The following SLC13A3 variants were observed in gnomAD, a reference collection of about 807,000 sequenced individuals.
The protein encoded by SLC13A3 is solute carrier family 13 member 3.
SLC13A3 carries 40 observed loss-of-function variants against 59.0 expected under a neutral mutation model. The observed-to-expected ratio is 0.68, with a 90% CI of 0.53 to 0.88. The LOEUF is 0.88. SLC13A3 is among the 40% of genes least tolerant of loss of function. SLC13A3 has a pLI of 0.00. For synonymous variants in SLC13A3, 317 were observed against 330.3 expected (o/e 0.96, Z 0.44); for missense variants, 699 against 783.2 (o/e 0.89, Z 1.28).
chr20:46,587,070 C>T (rs776613383), intron 8 of SLC13A3, among the ~76,000 whole-genome samples: 3 of 152,170 alleles, frequency 2.0e-5, no homozygotes, highest in African/African-American at 7.2e-5. Context: ...AATCAAATGG[C>T]GGGCCAGATT....
intron 1 of SLC13A3, among the ~76,000 whole-genome samples, chr20:46,640,664 T>A (rs751210377): frequency 9.9e-5 from 15 of 152,158 alleles, no homozygotes; most frequent in Non-Finnish European, 1.6e-4. Context: ...GGGAAATCAC[T>A]TGCCGGGAAG....
chr20:46,603,475 A>T (rs1225438571), intron 3 of SLC13A3, among the ~76,000 whole-genome samples: 1 of 151,956 alleles, frequency 6.6e-6, no homozygotes, highest in Non-Finnish European at 1.5e-5. Flanking sequence ...ACCAGGCTCA[A>T]GTGATCCTCC....
In SLC13A3 at chr20:46,596,334, T is replaced by C; in HGVS notation, c.617A>G (p.His206Arg). 6.2e-7 allele frequency: 1 copy of C among 1,613,930 alleles called. No homozygotes were observed. The highest frequency in any genetic ancestry group is 1.3e-5 in the African/African-American group (1 of 75,020). The change falls in exon 5 of 13, where the codon CAC (histidine) becomes CGC (arginine). Residue 206 changes from histidine (H) to arginine (R), a missense_variant. His to Arg is a conservative substitution (Grantham distance 29). Transcript: ENST00000279027. ...QFLASTEAKD[H>R]PGETEVPLDL... is the part of the protein sequence containing the mutation. ...CAGTGGAACCTCTGTCTCCCCAGGG[T>C]GGTCTTTGCTTTAAACAAATCCAAA...
At position 46,560,186 on chromosome 20, in the gene SLC13A3, G is replaced by A; in HGVS notation, c.1645C>T (p.Leu549Phe). ...LLVKDMVRTG[L>F]LMNLMGVLLL... ...AGGACACCCATCAGGTTCATCAGGA[G>A]GCCTGTCCGCACCTGAAATAGAGCC... Residue 549 changes from leucine to phenylalanine, a missense_variant, in exon 13 of 13, where the codon CTC (leucine) becomes TTC (phenylalanine). Coordinates refer to ENST00000279027, the MANE Select transcript of SLC13A3 (RefSeq NM_022829.6). The A allele has an allele frequency of 6.2e-7, 1 of 1,614,076 alleles. No individual in the cohort carries two copies. Among genetic ancestry groups the A allele is most frequent in the Non-Finnish European group, 8.5e-7 (1 of 1,180,002 alleles).
intron 1 of SLC13A3, among the ~76,000 whole-genome samples, chr20:46,626,776 AGAGCACT>A (rs1249384881): frequency 7.3e-6 from 1 of 136,312 alleles, no homozygotes; most frequent in Admixed American, 7.7e-5. Flanking sequence ...GGCAGGGACT[AGAGCACT>A]GAGGCCTGTA....
Position 46,613,447 on chromosome 20 carries a change from T to G in SLC13A3, c.377+13A>C, listed in dbSNP as rs2062522213. The G allele has an allele frequency of 4.5e-6, 7 of 1,568,106 alleles. No homozygotes were observed. The East Asian group carries it at 1.6e-4, about 35-fold the overall frequency. ...CTCTCCGCTGTAGGGCTGGAACCAT[T>G]ACCTGTTCTTACCTGGCCGGCTGGA... On this transcript the variant is annotated intron_variant, in intron 2 of 12. Transcript: ENST00000279027.
At chr20:46,563,730 G>A (rs1423697597) in intron 11 of SLC13A3, among the ~76,000 whole-genome samples, 179 bp from the exon 12 acceptor site, 1 of 152,158 alleles carries the variant, frequency 6.6e-6, no homozygotes, top group Admixed American at 6.5e-5. Flanking sequence ...CAAGTGAGAA[G>A]AGAGAGTTAG....
intron 1 of SLC13A3, among the ~76,000 whole-genome samples, chr20:46,615,310 A>T (rs1006529831): frequency 6.6e-6 from 1 of 152,168 alleles, no homozygotes; most frequent in African/African-American, 2.4e-5. Flanking sequence ...CCATGTCCAT[A>T]GGACATCAAA....
chr20:46,629,889 C>T (rs1462961058), intron 1 of SLC13A3, among the ~76,000 whole-genome samples: 5 of 152,204 alleles, frequency 3.3e-5, no homozygotes, highest in Non-Finnish European at 7.3e-5. Flanking sequence ...AGTATTTATT[C>T]TGTTTTTCTC....
intron 1 of SLC13A3, among the ~76,000 whole-genome samples, chr20:46,665,247 T>C (rs772703548): frequency 4.0e-5 from 6 of 149,562 alleles, no homozygotes; most frequent in Non-Finnish European, 5.9e-5. Flanking sequence ...GCCTGGGCAA[T>C]AGAATGAGAC....
intron 1 of SLC13A3, among the ~76,000 whole-genome samples, chr20:46,666,662 C>T (rs1001251293): frequency 7.2e-5 from 11 of 152,156 alleles, no homozygotes; most frequent in African/African-American, 2.7e-4. Context: ...CACCACCATG[C>T]CTGGCTAATT....
chr20:46,619,639 C>A (rs1276544277), intron 1 of SLC13A3, among the ~76,000 whole-genome samples: 2 of 152,244 alleles, frequency 1.3e-5, no homozygotes, highest in East Asian at 3.8e-4. Context: ...CCCACTTTCT[C>A]TGTTATCTTG....
chr20:46,599,055 C>T (rs1052074505), intron 4 of SLC13A3, among the ~76,000 whole-genome samples: 1 of 152,188 alleles, frequency 6.6e-6, no homozygotes, highest in Non-Finnish European at 1.5e-5. Context: ...ATTACCAGCT[C>T]GCCTCCCCCA....
chr20:46,634,567 G>A (rs922536491), intron 1 of SLC13A3, among the ~76,000 whole-genome samples: 1 of 151,850 alleles, frequency 6.6e-6, no homozygotes, highest in African/African-American at 2.4e-5. Flanking sequence ...TTAGACCCCT[G>A]GACTCATTAG....
At chr20:46,660,060 T>C (rs1210502944) in intron 1 of SLC13A3, among the ~76,000 whole-genome samples, 1 of 152,212 alleles carries the variant, frequency 6.6e-6, no homozygotes, top group East Asian at 1.9e-4. Context: ...CACCACTGTT[T>C]GAATTACACA....
chr20:46,677,484 G>A (rs1169284157), intron 1 of SLC13A3, among the ~76,000 whole-genome samples: 1 of 152,168 alleles, frequency 6.6e-6, no homozygotes, highest in Non-Finnish European at 1.5e-5. Context: ...GAGGGGAGCT[G>A]GTGAAAGACA....
intron 3 of SLC13A3, among the ~76,000 whole-genome samples, chr20:46,607,674 T>C (rs550834277): frequency 3.3e-5 from 5 of 152,340 alleles, no homozygotes; most frequent in African/African-American, 1.2e-4. Context: ...GATTTTTCAT[T>C]CTCACAATGA....
chr20:46,633,897 G>C (rs1404129467), intron 1 of SLC13A3, among the ~76,000 whole-genome samples: 1 of 152,244 alleles, frequency 6.6e-6, no homozygotes, highest in Non-Finnish European at 1.5e-5. Context: ...GTGTCCCAGT[G>C]ACCCTGTTTA....
At chr20:46,595,193 A>T (rs2062298407) in intron 5 of SLC13A3, among the ~76,000 whole-genome samples, 1 of 152,222 alleles carries the variant, frequency 6.6e-6, no homozygotes, top group African/African-American at 2.4e-5. Flanking sequence ...CTGCCTCGGA[A>T]TCCTGGAACC....
Sources: allele counts gnomAD v4.1 joint callset (sites outside exome capture counted in the v4.1 genomes callset), GRCh38; gene constraint gnomAD v4.1.1; transcripts MANE v1.5; gene names NCBI Gene and HGNC (gene_info 2026-07-23, HGNC 2026-07-21).